The following ITFG1 variants were observed in gnomAD, a reference collection of about 807,000 sequenced individuals.
ITFG1 encodes the protein T-cell immunomodulatory protein.
Under a neutral mutation model 81.8 loss-of-function variants are expected in ITFG1, and 34 were observed. The observed-to-expected ratio is 0.42, with a 90% CI of 0.32 to 0.55. The LOEUF is 0.55. Ranked by LOEUF, ITFG1 falls within the 20% of genes least tolerant of loss-of-function variation. ITFG1 has a pLI of 0.17. For synonymous variants in ITFG1, 285 were observed against 270.6 expected, an observed-to-expected ratio of 1.05 and a Z score of -0.52; for missense variants, 672 against 755.4, an observed-to-expected ratio of 0.89 and a Z score of 1.29.
At chr16:47,375,334 T>A (rs1968309677) in intron 7 of ITFG1, among the ~76,000 whole-genome samples, 1 of 151,876 alleles carries the variant, frequency 6.6e-6, no homozygotes, top group African/African-American at 2.4e-5. Context: ...CATTAATTAA[T>A]CCATCATATA....
At chr16:47,308,417 T>C (rs1178804286) in intron 10 of ITFG1, among the ~76,000 whole-genome samples, 1 of 152,222 alleles carries the variant, frequency 6.6e-6, no homozygotes, top group African/African-American at 2.4e-5. Flanking sequence ...TGCAACATAA[T>C]GTAACCTTTC....
At chr16:47,161,117 G>T (rs1461482394) in intron 16 of ITFG1, among the ~76,000 whole-genome samples, 1 of 152,020 alleles carries the variant, frequency 6.6e-6, no homozygotes, top group African/African-American at 2.4e-5. Context: ...ATCAATCTAG[G>T]AATTTAAATA....
At chr16:47,186,227 A>T (rs1231528407) in intron 14 of ITFG1, among the ~76,000 whole-genome samples, 10 of 152,234 alleles carry the variant, frequency 6.6e-5, no homozygotes, top group Non-Finnish European at 8.8e-5. Context: ...TCCAATCAAC[A>T]GAAAAAGAGG....
At chr16:47,321,597 G>A (rs555418360) in intron 8 of ITFG1, among the ~76,000 whole-genome samples, 1 of 152,304 alleles carries the variant, frequency 6.6e-6, no homozygotes, top group South Asian at 2.1e-4. Flanking sequence ...GCCAAAGCAG[G>A]AGGACTACTT....
intron 13 of ITFG1, among the ~76,000 whole-genome samples, chr16:47,221,260 C>T (rs1359701512): frequency 6.6e-6 from 1 of 152,152 alleles, no homozygotes; most frequent in Non-Finnish European, 1.5e-5. Flanking sequence ...TACGTCCCAT[C>T]AATACCTAAT....
intron 7 of ITFG1, among the ~76,000 whole-genome samples, chr16:47,369,293 G>T (rs1485796199): frequency 1.3e-5 from 2 of 152,174 alleles, no homozygotes; most frequent in Non-Finnish European, 1.5e-5. Context: ...GGAGTAAGGT[G>T]AGGTGGGTTC....
intron 13 of ITFG1, among the ~76,000 whole-genome samples, chr16:47,231,286 T>C (rs1179759056): frequency 6.6e-6 from 1 of 152,166 alleles, no homozygotes; most frequent in East Asian, 1.9e-4. Context: ...TAGACTTTGG[T>C]GAAAAGAATT....
intron 10 of ITFG1, among the ~76,000 whole-genome samples, chr16:47,308,954 G>A (rs1175406776): frequency 6.6e-6 from 1 of 151,838 alleles, no homozygotes; most frequent in Admixed American, 6.6e-5. Context: ...GGAATAGTCA[G>A]AATGAAGACT....
chr16:47,363,197 C>A (rs1271154193), intron 8 of ITFG1, among the ~76,000 whole-genome samples: 2 of 152,070 alleles, frequency 1.3e-5, no homozygotes, highest in African/African-American at 4.8e-5. Flanking sequence ...TTGCACCAGG[C>A]CTGTAAAATT....
intron 7 of ITFG1, among the ~76,000 whole-genome samples, chr16:47,371,048 T>G (rs937283904): frequency 6.6e-6 from 1 of 152,224 alleles, no homozygotes; most frequent in African/African-American, 2.4e-5. Context: ...CTGCACTGTT[T>G]CCCTGCAATC....
intron 9 of ITFG1, chr16:47,311,861 T>C (rs958139071): frequency 6.5e-6 from 1 of 153,308 alleles, no homozygotes; most frequent in Non-Finnish European, 1.5e-5. Flanking sequence ...AGAGACCCCG[T>C]TGTTCATTCT....
chr16:47,439,250 G>A (rs1428329529), intron 5 of ITFG1, among the ~76,000 whole-genome samples: 2 of 152,138 alleles, frequency 1.3e-5, no homozygotes, highest in African/African-American at 2.4e-5. Flanking sequence ...AACCAAGTTG[G>A]AAAACACCCT....
At chr16:47,209,856 T>A (rs1596809844) in intron 14 of ITFG1, among the ~76,000 whole-genome samples, 1 of 152,218 alleles carries the variant, frequency 6.6e-6, no homozygotes, top group African/African-American at 2.4e-5. Context: ...CTCTGGAGAT[T>A]CATCTGGGTT....
chr16:47,234,631 A>G (rs1965853797), intron 13 of ITFG1, among the ~76,000 whole-genome samples: 1 of 152,302 alleles, frequency 6.6e-6, no homozygotes, highest in South Asian at 2.1e-4. Flanking sequence ...CAAAAAATCA[A>G]AAACGAAGAG....
At chr16:47,389,698 T>C (rs939076435) in intron 6 of ITFG1, among the ~76,000 whole-genome samples, 8 of 152,216 alleles carry the variant, frequency 5.3e-5, no homozygotes, top group Non-Finnish European at 1.0e-4. Flanking sequence ...GACATTTCCA[T>C]GTCTCACTGC....
intron 14 of ITFG1, among the ~76,000 whole-genome samples, chr16:47,202,963 C>A (rs1293911945): frequency 6.6e-6 from 1 of 152,096 alleles, no homozygotes; most frequent in Non-Finnish European, 1.5e-5. Flanking sequence ...AAAAATTACA[C>A]AGAAGTATCA....
intron 8 of ITFG1, among the ~76,000 whole-genome samples, chr16:47,326,803 C>T (rs1967552190): frequency 6.6e-6 from 1 of 152,058 alleles, no homozygotes; most frequent in Non-Finnish European, 1.5e-5. Context: ...AACTACAAAC[C>T]ACTGCTCAAG....
At chr16:47,362,591 G>A (rs1968123297) in intron 8 of ITFG1, among the ~76,000 whole-genome samples, 1 of 152,124 alleles carries the variant, frequency 6.6e-6, no homozygotes, top group South Asian at 2.1e-4. Context: ...TCAACCCAAA[G>A]TGGTTTATTC....
At chr16:47,409,402 A>ATCT (rs1454105053) in intron 6 of ITFG1, among the ~76,000 whole-genome samples, 1 of 8,780 alleles carries the variant, frequency 1.1e-4, no homozygotes, top group Non-Finnish European at 2.2e-4. Flanking sequence ...ATATATATAT[A>ATCT]TATTTTTTTT....
Sources: allele counts gnomAD v4.1 joint callset (sites outside exome capture counted in the v4.1 genomes callset), GRCh38; gene constraint gnomAD v4.1.1; transcripts MANE v1.5; gene names NCBI Gene and HGNC (gene_info 2026-07-23, HGNC 2026-07-21).